Variants in CNKSR3 observed in about 807,000 individuals in gnomAD.
CNKSR3 encodes the protein CNKSR family member 3, also known as connector enhancer of kinase suppressor of ras 3.
Under a neutral mutation model 67.7 loss-of-function variants are expected in CNKSR3, and 36 were observed. The ratio of observed to expected loss-of-function variants is 0.53; its 90% CI spans 0.41 to 0.70. CNKSR3 has a LOEUF of 0.70. Ranked by LOEUF, CNKSR3 falls within the 30% of genes least tolerant of loss-of-function variation. The probability of loss-of-function intolerance (pLI) is 0.00; values close to 1 mark genes in which losing one functional copy is unlikely to be tolerated. For synonymous variants in CNKSR3, 281 were observed against 271.4 expected, an observed-to-expected ratio of 1.04 and a Z score of -0.35; for missense variants, 630 against 695.2, an observed-to-expected ratio of 0.91 and a Z score of 1.05.
chr6:154,442,342 A>C, intron 2 of CNKSR3, 52 bp from the exon 3 acceptor site: 1 of 1,520,300 alleles, frequency 6.6e-7, no homozygotes, highest in Non-Finnish European at 9.1e-7. Context: ...ACAATATTCG[A>C]CAGGGCGCGG....
At chr6:154,469,899 TAC>T (rs1426161348) in intron 1 of CNKSR3, among the ~76,000 whole-genome samples, 8 of 152,202 alleles carry the variant, frequency 5.3e-5, no homozygotes, top group African/African-American at 1.7e-4. Context: ...GATTTATATC[TAC>T]ATATATTTTA....
chr6:154,447,618 T>C (rs780066559), intron 2 of CNKSR3, among the ~76,000 whole-genome samples: 18 of 152,222 alleles, frequency 1.2e-4, no homozygotes, highest in Non-Finnish European at 2.4e-4. Flanking sequence ...TCTTCATTAA[T>C]AGCTGTTTCC....
intron 1 of CNKSR3, among the ~76,000 whole-genome samples, chr6:154,455,520 T>G (rs1418395459): frequency 2.0e-5 from 3 of 151,942 alleles, no homozygotes; most frequent in Admixed American, 2.0e-4. Context: ...TCTTTCACTC[T>G]TGTCAATTCT....
chr6:154,493,831 G>A (rs901351345), intron 1 of CNKSR3, among the ~76,000 whole-genome samples: 1 of 152,036 alleles, frequency 6.6e-6, no homozygotes, highest in African/African-American at 2.4e-5. Context: ...TCACTATCAC[G>A]AGAACACCTG....
rs34887626 is a variant in CNKSR3, at chr6:154,441,242, C to CAAAAA, written c.507+45_507+49dup. The CAAAAA allele has an allele frequency of 1.3e-3, 1,142 of 846,870 alleles. 3 individuals carry two copies. The highest frequency in any genetic ancestry group is 2.4e-3 in the African/African-American group (110 of 45,194). 52.5% of individuals were successfully genotyped at this position (846,870 alleles called of 1,614,324 possible). ...AAAATCCTTTCAAGAAGAGGAAAAG[C>CAAAAA]AAAAAAAAAAAAAAAAAAAAAAAGA... On this transcript the variant is annotated intron_variant, in intron 4 of 12. Transcript: ENST00000607772.
At chr6:154,488,168 A>T (rs1474460093) in intron 1 of CNKSR3, among the ~76,000 whole-genome samples, 1 of 152,252 alleles carries the variant, frequency 6.6e-6, no homozygotes. Flanking sequence ...TTATAATGTT[A>T]TAGTTACATA....
intron 1 of CNKSR3, among the ~76,000 whole-genome samples, chr6:154,469,020 C>CTAAA (rs1428652160): frequency 6.6e-6 from 1 of 152,120 alleles, no homozygotes; most frequent in South Asian, 2.1e-4. Flanking sequence ...GGCCTCATCT[C>CTAAA]TAAATAAATA....
intron 1 of CNKSR3, among the ~76,000 whole-genome samples, chr6:154,496,523 T>C (rs1786881895): frequency 6.6e-6 from 1 of 152,262 alleles, no homozygotes; most frequent in Admixed American, 6.5e-5. Flanking sequence ...TCTTTCATTC[T>C]ATCCTCTATA....
intron 9 of CNKSR3, 157 bp from the exon 10 acceptor site, chr6:154,414,580 C>A: frequency 2.5e-6 from 2 of 787,844 alleles, no homozygotes; most frequent in South Asian, 1.5e-5. Flanking sequence ...ATTTAACTTA[C>A]ATTCTTCTTT....
At chr6:154,414,826 T>C (rs1230169840) in intron 9 of CNKSR3, 2 of 472,976 alleles carry the variant, frequency 4.2e-6, no homozygotes, top group African/African-American at 2.0e-5. Context: ...GGCACGGCGG[T>C]TCTTGCCTGT....
At chr6:154,441,739 T>TAAAAAAA (rs1157193114) in intron 3 of CNKSR3, among the ~76,000 whole-genome samples, 1 of 137,258 alleles carries the variant, frequency 7.3e-6, no homozygotes. Flanking sequence ...AAGGAATAGA[T>TAAAAAAA]TAAAAACAAA....
intron 4 of CNKSR3, 159 bp from the exon 5 acceptor site, chr6:154,433,666 C>T (rs1343092184): frequency 3.2e-6 from 2 of 618,046 alleles, no homozygotes; most frequent in South Asian, 2.0e-5. Flanking sequence ...AATGAGAGGG[C>T]AGAGTGGGAA....
At chr6:154,411,970 A>C (rs1043726278) in intron 10 of CNKSR3, among the ~76,000 whole-genome samples, 43 of 152,240 alleles carry the variant, frequency 2.8e-4, no homozygotes, top group African/African-American at 9.6e-4. Context: ...CAAAAGTTGG[A>C]TCACTGATTC....
Position 154,410,387 on chromosome 6 carries a change from C to A in CNKSR3, c.1325G>T (p.Gly442Val), listed in dbSNP as rs1210530215. The A allele has an allele frequency of 6.2e-7, 1 of 1,614,106 alleles. No homozygotes were observed. ...AGGTCTGGCAAAAGGGTCCACAATC[C>A]CCATCCAGTTCCCATCAGCAGGCAT... ...LSMPADGNWM[G>V]IVDPFARPRG... The change falls in exon 12 of 13, where the codon GGG becomes GTG. Residue 442 changes from glycine (G) to valine (V), a missense_variant. By Grantham distance (109) the Gly-to-Val change is moderately radical (BLOSUM62 -3). This residue lies in a region of CNKSR3 where 308 missense variants were observed against 299.6 expected (regional missense o/e 1.03). Transcript: ENST00000607772.
At chr6:154,426,637 G>A (rs893957268) in intron 7 of CNKSR3, among the ~76,000 whole-genome samples, 2 of 152,178 alleles carry the variant, frequency 1.3e-5, no homozygotes, top group Non-Finnish European at 2.9e-5. Context: ...TTACAGGCGT[G>A]AGCCACCGCA....
chr6:154,450,150 G>C lies in CNKSR3; in HGVS notation c.161C>G (p.Thr54Arg). ...SHQDLEELGV[T>R]RIGHQELVLE... ...CACAAGCTCCTGGTGTCCAATCCGT[G>C]TGACCCCCAGCTCCTCCAGGTCCTG... Residue 54 changes from threonine (T) to arginine (R), a missense_variant, in exon 2 of 13, where the codon ACA (threonine) becomes AGA (arginine). Thr to Arg is a moderately conservative substitution (Grantham distance 71). This residue lies in a region of CNKSR3 where 189 missense variants were observed against 205.0 expected (regional missense o/e 0.92). Transcript: ENST00000607772. 6.2e-7 allele frequency: 1 copy of C among 1,614,094 alleles called. No homozygotes were observed. The highest frequency in any genetic ancestry group is 1.1e-5 in the South Asian group (1 of 91,068).
rs1336913311 is a variant in CNKSR3, at chr6:154,405,374, TATC to T, written c.*977_*979del. On this transcript the variant is annotated 3_prime_UTR_variant, in exon 13 of 13. Transcript: ENST00000607772. ...ATAGTACTTTTCCATTCTAACAAAA[TATC>T]ATACATTCAGTTTAAACAAGAGTTA... 4.6e-5 allele frequency: 7 copies of T among 152,636 alleles called. No individual in the cohort carries two copies. The highest frequency in any genetic ancestry group is 4.1e-4 in the South Asian group (2 of 4,838). The allele number at this position is 152,636 out of a possible 1,614,324, so 9.5% of individuals were successfully genotyped here.
At chr6:154,428,050 A>G in intron 7 of CNKSR3, 78 bp downstream of exon 7, 1 of 955,038 alleles carries the variant, frequency 1.0e-6, no homozygotes, top group Admixed American at 1.9e-5. Context: ...GCACACGTTT[A>G]AATTCAAAGT....
chr6:154,503,136 A>G (rs1787031704), intron 1 of CNKSR3, among the ~76,000 whole-genome samples: 1 of 152,130 alleles, frequency 6.6e-6, no homozygotes, highest in Admixed American at 6.5e-5. Flanking sequence ...CAACAATAAA[A>G]TCTCCACCAA....
Sources: gnomAD v4.1 joint callset for allele counts (sites outside exome capture counted in the v4.1 genomes callset) on GRCh38, gnomAD v4.1.1 for gene constraint, gnomAD v4.1.1 regional missense constraint, MANE v1.5 for transcripts, NCBI Gene and HGNC (gene_info 2026-07-23, HGNC 2026-07-21) for gene names.